NRXN3: variants seen among roughly 807,000 people sequenced by gnomAD.
NRXN3 encodes neurexin III.
Under a neutral mutation model 137.6 loss-of-function variants are expected in NRXN3, and 32 were observed. The observed-to-expected ratio is 0.23, with a 90% CI of 0.18 to 0.31. The LOEUF (loss-of-function observed/expected upper bound fraction) is 0.31, where lower values mean the gene tolerates loss of function less well. Ranked by LOEUF, NRXN3 falls within the 10% of genes least tolerant of loss-of-function variation. NRXN3 has a pLI of 1.00. For missense variants in NRXN3, 1,574 were observed against 2,062.5 expected (o/e 0.76, Z 4.59); for synonymous variants, 798 against 784.5 (o/e 1.02, Z -0.29).
At chr14:78,448,498 C>T (rs921962827) in intron 4 of NRXN3, among the ~76,000 whole-genome samples, 18 of 152,148 alleles carry the variant, frequency 1.2e-4, no homozygotes, top group African/African-American at 4.1e-4. Flanking sequence ...TGCTAAAACA[C>T]GTTTTTTTCA....
At chr14:79,296,120 C>A (rs1434255445) in intron 15 of NRXN3, among the ~76,000 whole-genome samples, 1 of 152,038 alleles carries the variant, frequency 6.6e-6, no homozygotes, top group Non-Finnish European at 1.5e-5. Flanking sequence ...TTAGGCTCTG[C>A]CTTTCTTAAG....
chr14:78,690,980 C>A (rs768650518), intron 6 of NRXN3, among the ~76,000 whole-genome samples: 1 of 151,998 alleles, frequency 6.6e-6, no homozygotes, highest in East Asian at 1.9e-4. Context: ...TCATCAGATG[C>A]GTGGGGGAAG....
intron 16 of NRXN3, among the ~76,000 whole-genome samples, chr14:79,652,411 A>C (rs1188568350): frequency 6.6e-6 from 1 of 152,154 alleles, no homozygotes; most frequent in East Asian, 1.9e-4. Context: ...TAATTTGTGT[A>C]TCTGAAGCTC....
At chr14:78,469,570 A>G (rs2153726952) in intron 4 of NRXN3, among the ~76,000 whole-genome samples, 1 of 152,300 alleles carries the variant, frequency 6.6e-6, no homozygotes, top group African/African-American at 2.4e-5. Flanking sequence ...GGGCATGGGG[A>G]CAGGAGCAGT....
chr14:79,487,982 G>T (rs1321886025), intron 16 of NRXN3, among the ~76,000 whole-genome samples: 2 of 152,106 alleles, frequency 1.3e-5, no homozygotes, highest in Non-Finnish European at 2.9e-5. Context: ...TTATTAATGG[G>T]CCTTCATACC....
chr14:79,551,385 G>A (rs2153748793), intron 16 of NRXN3, among the ~76,000 whole-genome samples: 1 of 152,238 alleles, frequency 6.6e-6, no homozygotes, highest in African/African-American at 2.4e-5. Flanking sequence ...TCTCTGAAAT[G>A]ATTTTGTCTC....
At chr14:79,723,893 C>T (rs1400967306) in intron 19 of NRXN3, among the ~76,000 whole-genome samples, 1 of 152,116 alleles carries the variant, frequency 6.6e-6, no homozygotes, top group East Asian at 1.9e-4. Flanking sequence ...GTGTTGTTCT[C>T]TAGCCCATGA....
intron 6 of NRXN3, among the ~76,000 whole-genome samples, chr14:78,653,708 A>AACAC (rs776497422): frequency 1.3e-4 from 10 of 75,032 alleles, no homozygotes; most frequent in Non-Finnish European, 2.0e-4. Flanking sequence ...AAGAAAATAA[A>AACAC]ATACACACAC....
intron 4 of NRXN3, among the ~76,000 whole-genome samples, chr14:78,308,990 C>A (rs921201823): frequency 2.0e-5 from 3 of 152,100 alleles, no homozygotes. Context: ...CAGTATTTTA[C>A]CTATAATGGC....
chr14:78,306,097 T>C (rs559787160), intron 4 of NRXN3, among the ~76,000 whole-genome samples: 1 of 152,326 alleles, frequency 6.6e-6, no homozygotes, highest in East Asian at 1.9e-4. Flanking sequence ...AAAGTGTTAA[T>C]GTGAACAGAA....
chr14:78,688,000 G>A (rs2098138417), intron 6 of NRXN3, among the ~76,000 whole-genome samples: 1 of 152,154 alleles, frequency 6.6e-6, no homozygotes, highest in South Asian at 2.1e-4. Context: ...ATGAGCTGGG[G>A]GGATGTGAAA....
chr14:78,601,255 C>CT (rs1470173771), intron 4 of NRXN3, among the ~76,000 whole-genome samples: 2 of 151,980 alleles, frequency 1.3e-5, no homozygotes, highest in African/African-American at 4.8e-5. Context: ...AAACTTTTGG[C>CT]TTAAAAAAAA....
In NRXN3 at chr14:78,600,675, C is replaced by T. The variant is rs1015596041; in HGVS notation, c.758-44445C>T. ...CTACCACCTTAATGTTAATGAGCCT[C>T]AACTCCAAATTGGCAGCCCAGATCA... is the stretch of plus-strand genomic sequence containing the variant. On this transcript the variant is annotated intron_variant, in intron 4 of 20. Transcript: ENST00000335750. Among the ~76,000 whole-genome samples, 5 of 152,296 alleles carry T rather than the reference C, an allele frequency of 3.3e-5. No homozygotes were observed. The East Asian group carries it at 9.7e-4, about 29-fold the overall frequency.
At chr14:79,411,605 G>A (rs2095417867) in intron 15 of NRXN3, among the ~76,000 whole-genome samples, 1 of 152,006 alleles carries the variant, frequency 6.6e-6, no homozygotes, top group Non-Finnish European at 1.5e-5. Context: ...AAACAACCAT[G>A]TTATACTGCT....
intron 5 of NRXN3, among the ~76,000 whole-genome samples, chr14:78,649,050 A>G (rs1233775532): frequency 6.6e-6 from 1 of 152,174 alleles, no homozygotes. Flanking sequence ...ATGGTTTTCC[A>G]TAGAGTCCTG....
intron 16 of NRXN3, among the ~76,000 whole-genome samples, chr14:79,563,303 C>T (rs1280275327): frequency 6.6e-6 from 1 of 152,058 alleles, no homozygotes; most frequent in Admixed American, 6.6e-5. Flanking sequence ...TGTGTCAAAG[C>T]TAATATACTT....
intron 4 of NRXN3, among the ~76,000 whole-genome samples, chr14:78,368,563 C>T (rs778381271): frequency 2.0e-5 from 3 of 152,084 alleles, no homozygotes; most frequent in Admixed American, 6.6e-5. Flanking sequence ...GGCACTGTGG[C>T]GAGCACCAGT....
chr14:79,525,573 G>C (rs1037293380), intron 16 of NRXN3, among the ~76,000 whole-genome samples: 6 of 152,190 alleles, frequency 3.9e-5, no homozygotes, highest in Non-Finnish European at 5.9e-5. Flanking sequence ...GAATCAGTCA[G>C]CTCAGATTAA....
chr14:78,789,074 T>C (rs561427389), intron 8 of NRXN3, among the ~76,000 whole-genome samples: 1 of 152,342 alleles, frequency 6.6e-6, no homozygotes, highest in South Asian at 2.1e-4. Flanking sequence ...TTTTATAACA[T>C]GTTTGCACAA....
Sources: gnomAD v4.1 joint callset for allele counts (sites outside exome capture counted in the v4.1 genomes callset) on GRCh38, gnomAD v4.1.1 for gene constraint, MANE v1.5 for transcripts, NCBI Gene and HGNC (gene_info 2026-07-23, HGNC 2026-07-21) for gene names.